SLC25A3: variants seen among roughly 807,000 people sequenced by gnomAD.
SLC25A3 encodes solute carrier family 25 member 3, also known as phosphate transport protein.
A neutral mutation model predicts 37.1 loss-of-function variants in SLC25A3; 14 were observed. That is an observed-to-expected ratio of 0.38 (90% confidence interval 0.25 to 0.59). The LOEUF (loss-of-function observed/expected upper bound fraction) is 0.59, where lower values mean the gene tolerates loss of function less well. SLC25A3 is among the 20% of genes least tolerant of loss of function. The pLI, the probability that SLC25A3 is intolerant of heterozygous loss-of-function variation, is 0.67. For missense variants in SLC25A3, 385 were observed against 458.1 expected, an observed-to-expected ratio of 0.84 and a Z score of 1.46; for synonymous variants, 161 against 168.7, an observed-to-expected ratio of 0.95 and a Z score of 0.36.
chr12:98,596,049 T>C (rs1424923387), intron 3 of SLC25A3, among the ~76,000 whole-genome samples: 1 of 152,220 alleles, frequency 6.6e-6, no homozygotes, highest in Admixed American at 6.5e-5. Flanking sequence ...AATTGTTCAC[T>C]TTTAGAGTCT....
intron 6 of SLC25A3, among the ~76,000 whole-genome samples, chr12:98,600,471 G>C (rs979386820): frequency 2.4e-4 from 36 of 152,066 alleles, no homozygotes; most frequent in African/African-American, 8.2e-4. Flanking sequence ...GGAGTGCAGT[G>C]GTGCAATCTT....
At chr12:98,594,246 A>G in intron 2 of SLC25A3, 111 bp downstream of exon 2, 2 of 928,088 alleles carry the variant, frequency 2.2e-6, no homozygotes, top group Non-Finnish European at 3.4e-6. Context: ...AGCCCGCTGC[A>G]CCGTAGGACG....
intron 2 of SLC25A3, chr12:98,594,777 A>C: frequency 4.5e-6 from 1 of 224,194 alleles, no homozygotes; most frequent in Non-Finnish European, 9.1e-6. Flanking sequence ...CTAGTGAAGT[A>C]TGTACATACA....
At chr12:98,601,006 G>A (rs191269078) in intron 6 of SLC25A3, 165 bp from the exon 7 acceptor site, 352 of 689,976 alleles carry the variant, frequency 5.1e-4, no homozygotes, top group African/African-American at 4.3e-3. Context: ...AGATTGTTCC[G>A]TTTTACATAG....
In SLC25A3 at chr12:98,601,481, C is replaced by T; in HGVS notation, c.1039C>T (p.Pro347Ser). Residue 347 changes from proline (P) to serine (S), a missense_variant, in exon 8 of 8, where the codon CCC (proline) becomes TCC (serine). Physicochemically the swap from Pro to Ser is moderately conservative, Grantham distance 74 (BLOSUM62 -1). Coordinates refer to ENST00000552981, the MANE Select transcript of SLC25A3 (RefSeq NM_002635.4). ...CTTCAGACTTCCTCGCCCTCCTCCA[C>T]CCGAGATGCCAGAGTCTCTGAAGAA... ...VYFRLPRPPP[P>S]EMPESLKKKL... 6.2e-7 allele frequency: 1 copy of T among 1,614,078 alleles called. No individual in the cohort carries two copies. The highest frequency in any genetic ancestry group is 8.5e-7 in the Non-Finnish European group (1 of 1,179,966).
At chr12:98,600,999 T>G (rs2097597403) in intron 6 of SLC25A3, 172 bp from the exon 7 acceptor site, 2 of 645,282 alleles carry the variant, frequency 3.1e-6, no homozygotes, top group Non-Finnish European at 5.1e-6. Flanking sequence ...CTTTAAAAGA[T>G]TGTTCCGTTT....
In SLC25A3 at chr12:98,600,082, T is replaced by G. The variant is rs1325680545; in HGVS notation, c.769T>G (p.Ser257Ala). The change falls in exon 6 of 8, where the codon TCA becomes GCA. Residue 257 changes from serine (S) to alanine (A), a missense_variant. Ser to Ala is a moderately conservative substitution (Grantham distance 99). This residue lies in a region of SLC25A3 where 276 missense variants were observed against 367.6 expected (regional missense o/e 0.75). Coordinates refer to ENST00000552981, the MANE Select transcript of SLC25A3 (RefSeq NM_002635.4). The part of the protein sequence containing the change: ...FVVPKPRSEC[S>A]KPEQLVVTFV... ...GGTTCCTAAGCCCCGCAGTGAATGT[T>G]CAAAGCCAGAGCAGCTGGTTGTAAC... The G allele has an allele frequency of 6.2e-7, 1 of 1,614,058 alleles. No individual in the cohort carries two copies. The highest frequency in any genetic ancestry group is 8.5e-7 in the Non-Finnish European group (1 of 1,179,982).
chr12:98,599,582 G>A (rs2097595994), intron 5 of SLC25A3: 1 of 488,406 alleles, frequency 2.0e-6, no homozygotes, highest in East Asian at 5.4e-5. Context: ...CTTTTAGGGA[G>A]GGCTTGTTAG....
chr12:98,593,793 G>A (rs2097590456), intron 1 of SLC25A3, 53 bp downstream of exon 1: 1 of 648,682 alleles, frequency 1.5e-6, no homozygotes, highest in East Asian at 2.7e-5. Flanking sequence ...GGAGCCCAGA[G>A]CTCCTGTGGG....
intron 6 of SLC25A3, among the ~76,000 whole-genome samples, chr12:98,600,558 G>A (rs374959001): frequency 2.2e-4 from 33 of 152,224 alleles, no homozygotes; most frequent in African/African-American, 6.7e-4. Flanking sequence ...GATTGCAGGC[G>A]TCTGCCACTA....
chr12:98,604,263 A>AAAAAAAAAAAAAAATATATATAT lies in SLC25A3; in HGVS notation c.*2736_*2737insAAAAAAAAAAAAATATATATATA, dbSNP rs1302964992. 2 of 134,592 alleles carry AAAAAAAAAAAAAAATATATATAT rather than the reference A, an allele frequency of 1.5e-5. No individual in the cohort carries two copies. The highest frequency in any genetic ancestry group is 5.7e-5 in the African/African-American group (2 of 34,844). 8.3% of individuals were successfully genotyped at this position (134,592 alleles called of 1,614,324 possible). A position where few individuals can be genotyped will look rare whatever the true frequency, so the allele number is the denominator to read the frequency against. The stretch of plus-strand genomic sequence containing the variant: ...GCGAAACTCTGTCTCAAAAAAAAAA[A>AAAAAAAAAAAAAAATATATATAT]ATATATATATATATATATATATATG... On this transcript the variant is annotated 3_prime_UTR_variant, in exon 8 of 8. Coordinates refer to ENST00000552981, the MANE Select transcript of SLC25A3 (RefSeq NM_002635.4).
intron 2 of SLC25A3, chr12:98,595,356 A>G: frequency 6.6e-7 from 1 of 1,526,598 alleles, no homozygotes; most frequent in Non-Finnish European, 9.0e-7. Flanking sequence ...TCACAGGGAA[A>G]CATTTTCTTT....
At chr12:98,597,163 T>G (rs1418470877) in intron 3 of SLC25A3, among the ~76,000 whole-genome samples, 1 of 152,218 alleles carries the variant, frequency 6.6e-6, no homozygotes, top group African/African-American at 2.4e-5. Flanking sequence ...AAGCTTTTGT[T>G]GAAATTTTAC....
At position 98,597,932 on chromosome 12, in the gene SLC25A3, C is replaced by G; in HGVS notation, c.356C>G (p.Ala119Gly). 1 of 1,614,096 alleles carries G rather than the reference C, an allele frequency of 6.2e-7. No individual in the cohort carries two copies. Among genetic ancestry groups the G allele is most frequent in the Non-Finnish European group, 8.5e-7 (1 of 1,180,022 alleles). Residue 119 changes from alanine to glycine, a missense_variant, in exon 4 of 8, where the codon GCT (alanine) becomes GGT (glycine). Physicochemically the swap from Ala to Gly is moderately conservative, Grantham distance 60 (BLOSUM62 0). Around this residue, in one of 2 missense-constraint regions of SLC25A3, gnomAD observed 276 missense variants for 367.6 expected, o/e 0.75. Coordinates refer to ENST00000552981, the MANE Select transcript of SLC25A3 (RefSeq NM_002635.4). ...AAAGAGGATGGTGTTCGTGGTTTGG[C>G]TAAAGGATGGGCTCCGACTTTCCTT... ...TLKEDGVRGL[A>G]KGWAPTFLGY... is the part of the protein sequence containing the mutation.
chr12:98,599,451 A>C (rs962307450), intron 5 of SLC25A3, among the ~76,000 whole-genome samples: 4 of 152,074 alleles, frequency 2.6e-5, no homozygotes, highest in Non-Finnish European at 5.9e-5. Context: ...TAAACTTGAG[A>C]GGTAAAGATA....
At chr12:98,601,305 A>G in intron 7 of SLC25A3, 24 bp downstream of exon 7, 1 of 1,614,166 alleles carries the variant, frequency 6.2e-7, no homozygotes, top group Non-Finnish European at 8.5e-7. Flanking sequence ...TTTTTCTTGA[A>G]AGAAAGAACA....
chr12:98,597,889 G>A lies in SLC25A3; in HGVS notation c.313G>A (p.Gly105Arg). ...DPQKYKGIFN[G>R]FSVTLKEDGV... ...CCAAAAGTACAAGGGCATATTTAACGGATTCTCAGTTACACTTAAAGAGGA... is the reference window on the plus strand; with the variant it reads ...CCAAAAGTACAAGGGCATATTTAACAGATTCTCAGTTACACTTAAAGAGGA... Residue 105 changes from glycine to arginine, a missense_variant, in exon 4 of 8, where the codon GGA becomes AGA. By Grantham distance (125) the Gly-to-Arg change is moderately radical. This residue lies in a region of SLC25A3 where 276 missense variants were observed against 367.6 expected (regional missense o/e 0.75). Transcript: ENST00000552981. 1.2e-6 allele frequency: 2 copies of A among 1,613,854 alleles called. No individual in the cohort carries two copies. Among genetic ancestry groups the A allele is most frequent in the Non-Finnish European group, 1.7e-6 (2 of 1,179,938 alleles).
chr12:98,600,120 T>C lies in SLC25A3; in HGVS notation c.807T>C (p.Gly269=). The change falls in exon 6 of 8, where the codon GGT becomes GGC. Residue 269 remains glycine, a synonymous_variant. Transcript: ENST00000552981. ...PEQLVVTFVA[G]YIAGVFCAIV... ...AGCTGGTTGTAACATTTGTAGCAGGTTACATAGGTACGAATTACTTAGAAC... is the reference window on the plus strand; with the variant it reads ...AGCTGGTTGTAACATTTGTAGCAGGCTACATAGGTACGAATTACTTAGAAC... The C allele has an allele frequency of 6.3e-7, 1 of 1,597,202 alleles. No individual in the cohort carries two copies. Among genetic ancestry groups the C allele is most frequent in the Non-Finnish European group, 8.6e-7 (1 of 1,164,446 alleles).
intron 5 of SLC25A3, 128 bp from the exon 6 acceptor site, chr12:98,599,825 ATG>A: frequency 1.1e-6 from 1 of 942,034 alleles, no homozygotes; most frequent in Non-Finnish European, 1.7e-6. Flanking sequence ...TCTGATAGAA[ATG>A]ACATGCATTT....
Sources: gnomAD v4.1 joint callset for allele counts (sites outside exome capture counted in the v4.1 genomes callset) on GRCh38, gnomAD v4.1.1 for gene constraint, gnomAD v4.1.1 regional missense constraint, MANE v1.5 for transcripts, NCBI Gene and HGNC (gene_info 2026-07-23, HGNC 2026-07-21) for gene names.